Variants in STAB2 observed in about 807,000 individuals in gnomAD.
The protein encoded by STAB2 is stabilin 2.
A neutral mutation model predicts 338.1 loss-of-function variants in STAB2; 288 were observed. The ratio of observed to expected loss-of-function variants is 0.85; its 90% CI spans 0.77 to 0.94. The LOEUF is 0.94. STAB2 is among the 40% of genes least tolerant of loss of function. The probability of loss-of-function intolerance (pLI) is 0.00; values close to 1 mark genes in which losing one functional copy is unlikely to be tolerated. For synonymous variants in STAB2, 1,202 were observed against 1,193.3 expected, an observed-to-expected ratio of 1.01 and a Z score of -0.15; for missense variants, 3,141 against 3,210.1, an observed-to-expected ratio of 0.98 and a Z score of 0.52.
At chr12:103,733,811 A>C (rs1881844026) in intron 51 of STAB2, among the ~76,000 whole-genome samples, 1 of 152,074 alleles carries the variant, frequency 6.6e-6, no homozygotes, top group Non-Finnish European at 1.5e-5. Flanking sequence ...GCATCATCAT[A>C]TAGGAGCAAG....
chr12:103,735,697 T>C, intron 52 of STAB2, 117 bp downstream of exon 52: 1 of 795,532 alleles, frequency 1.3e-6, no homozygotes, highest in Non-Finnish European at 1.9e-6. Flanking sequence ...CATAGCGGGC[T>C]CATTTTTTTT....
chr12:103,589,409 T>C (rs560720067), intron 1 of STAB2, among the ~76,000 whole-genome samples: 29 of 152,300 alleles, frequency 1.9e-4, no homozygotes, highest in African/African-American at 6.7e-4. Context: ...TCTTTTTTGA[T>C]TGGCAGGTCC....
At chr12:103,591,593 G>A (rs1956799019) in intron 2 of STAB2, among the ~76,000 whole-genome samples, 1 of 152,056 alleles carries the variant, frequency 6.6e-6, no homozygotes, top group Non-Finnish European at 1.5e-5. Flanking sequence ...TTGAAAATCT[G>A]GGTTTTATTT....
intron 30 of STAB2, among the ~76,000 whole-genome samples, chr12:103,692,179 C>T (rs1168136456): frequency 1.3e-5 from 2 of 152,166 alleles, no homozygotes; most frequent in Non-Finnish European, 2.9e-5. Flanking sequence ...GGCCTCTCTC[C>T]TTGGGTTGTA....
chr12:103,657,335 AT>A (rs1439749852), intron 15 of STAB2, among the ~76,000 whole-genome samples: 2 of 151,920 alleles, frequency 1.3e-5, no homozygotes, highest in Non-Finnish European at 2.9e-5. Context: ...GCACATTTTA[AT>A]AATAATAATA....
Position 103,587,563 on chromosome 12 carries a change from A to C in STAB2, c.81+6A>C. 1 of 1,611,592 alleles carries C rather than the reference A, an allele frequency of 6.2e-7. No individual in the cohort carries two copies. Among genetic ancestry groups the C allele is most frequent in the Non-Finnish European group, 8.5e-7 (1 of 1,177,990 alleles). ...CAGCTGAAACCACAGGGCAGGTAAGAGGAGACTTACATATTTTTTTCATTT... is the reference window on the plus strand; with the variant it reads ...CAGCTGAAACCACAGGGCAGGTAAGCGGAGACTTACATATTTTTTTCATTT... On this transcript the variant is annotated splice_donor_region_variant and intron_variant, in intron 1 of 68. Transcript: ENST00000388887.
Position 103,632,566 on chromosome 12 carries a change from C to T in STAB2, c.583+873C>T, listed in dbSNP as rs928741296. On this transcript the variant is annotated intron_variant, in intron 6 of 68. Transcript: ENST00000388887. Reference sequence around the variant, plus strand: ...GCCTCTCAGGCAAAATCCTGGAATACACAATGTCTATGTCGAGAGGGCTGT... The same window carrying T: ...GCCTCTCAGGCAAAATCCTGGAATATACAATGTCTATGTCGAGAGGGCTGT... Among the ~76,000 whole-genome samples, 11 of 152,276 alleles carry T rather than the reference C, an allele frequency of 7.2e-5. 1 individual carries two copies. The Middle Eastern group carries it at 0.014, about 188-fold the overall frequency.
At chr12:103,656,913 C>T (rs997342597) in intron 15 of STAB2, among the ~76,000 whole-genome samples, 1 of 151,384 alleles carries the variant, frequency 6.6e-6, no homozygotes, top group Non-Finnish European at 1.5e-5. Flanking sequence ...GTCTCGATCT[C>T]CTGACCTCAT....
chr12:103,655,081 T>C (rs1874078098), intron 13 of STAB2, among the ~76,000 whole-genome samples, 170 bp from the exon 14 acceptor site: 1 of 152,248 alleles, frequency 6.6e-6, no homozygotes, highest in African/African-American at 2.4e-5. Context: ...TCTGAACTAC[T>C]GTTTCAACGA....
chr12:103,673,807 G>A lies in STAB2; in HGVS notation c.2372-100G>A, dbSNP rs904812486. The A allele has an allele frequency of 1.4e-5, 18 of 1,265,130 alleles. No individual in the cohort carries two copies. In the South Asian group the frequency reaches 1.6e-4, roughly 11 times the overall value. The allele number at this position is 1,265,130 out of a possible 1,614,324, so 78.4% of individuals were successfully genotyped here. On this transcript the variant is annotated intron_variant, in intron 22 of 68. Coordinates refer to ENST00000388887, the MANE Select transcript of STAB2 (RefSeq NM_017564.10). ...GATTCTGCTTTGACAAGAGTGAGTGGGGGGTGAGAAGAGGTGGTCCCTGTC... is the reference window on the plus strand; with the variant it reads ...GATTCTGCTTTGACAAGAGTGAGTGAGGGGTGAGAAGAGGTGGTCCCTGTC...
At chr12:103,734,474 CAT>C (rs1566058887) in intron 51 of STAB2, among the ~76,000 whole-genome samples, 1 of 152,030 alleles carries the variant, frequency 6.6e-6, no homozygotes, top group Non-Finnish European at 1.5e-5. Flanking sequence ...CAAGCATGAT[CAT>C]ATAGGAGCAT....
chr12:103,756,037 A>G (rs1021327827), intron 63 of STAB2, among the ~76,000 whole-genome samples: 5 of 152,100 alleles, frequency 3.3e-5, no homozygotes, highest in African/African-American at 7.2e-5. Context: ...GGAAAATTCT[A>G]TGTTCTTGTG....
chr12:103,593,912 G>A (rs1055819623), intron 2 of STAB2, among the ~76,000 whole-genome samples: 2 of 152,204 alleles, frequency 1.3e-5, no homozygotes, highest in African/African-American at 4.8e-5. Flanking sequence ...GATATTGTGG[G>A]AAATGTTCCT....
At chr12:103,638,468 T>C (rs367549721) in intron 8 of STAB2, among the ~76,000 whole-genome samples, 1 of 152,216 alleles carries the variant, frequency 6.6e-6, no homozygotes, top group Non-Finnish European at 1.5e-5. Context: ...CAGTCCTATA[T>C]GGTGTTTGGC....
Position 103,675,975 on chromosome 12 carries a change from AGATG to A in STAB2, c.2603_2606del (p.Met868ThrfsTer6). On this transcript the variant is annotated frameshift_variant, in exon 24 of 69. Coordinates refer to ENST00000388887, the MANE Select transcript of STAB2 (RefSeq NM_017564.10). LOFTEE classifies it high-confidence loss of function. ...GAAGGAGATGGAACTCTGTGTTCTGAGATGGACCCTTGCACAGGACTAACTCCAG... is the reference window on the plus strand; with the variant it reads ...GAAGGAGATGGAACTCTGTGTTCTGAGACCCTTGCACAGGACTAACTCCAG... The A allele has an allele frequency of 6.2e-7, 1 of 1,607,158 alleles. No homozygotes were observed. The highest frequency in any genetic ancestry group is 8.5e-7 in the Non-Finnish European group (1 of 1,175,830).
At chr12:103,588,465 C>T (rs1956746655) in intron 1 of STAB2, among the ~76,000 whole-genome samples, 1 of 152,154 alleles carries the variant, frequency 6.6e-6, no homozygotes. Context: ...CAGTGCTCCA[C>T]AAATGGTAGT....
At chr12:103,756,993 G>GAAA (rs146893760) in intron 63 of STAB2, among the ~76,000 whole-genome samples, 1 of 15,270 alleles carries the variant, frequency 6.5e-5, no homozygotes, top group Non-Finnish European at 1.1e-4. Context: ...CAGAAGGAGG[G>GAAA]AAAATATATA....
At chr12:103,684,026 A>C (rs570844561) in intron 26 of STAB2, among the ~76,000 whole-genome samples, 39 of 152,320 alleles carry the variant, frequency 2.6e-4, no homozygotes, top group African/African-American at 8.9e-4. Context: ...GAACCAGGAC[A>C]TGAAGAGAGC....
chr12:103,622,637 T>C (rs1957320070), intron 5 of STAB2, among the ~76,000 whole-genome samples: 1 of 152,244 alleles, frequency 6.6e-6, no homozygotes, highest in African/African-American at 2.4e-5. Context: ...CACTTTAACA[T>C]GTGTAACCAA....
Sources: allele counts gnomAD v4.1 joint callset (sites outside exome capture counted in the v4.1 genomes callset), GRCh38; gene constraint gnomAD v4.1.1; transcripts MANE v1.5; gene names NCBI Gene and HGNC (gene_info 2026-07-23, HGNC 2026-07-21).